Variants in MXD1 observed in about 807,000 individuals in gnomAD.
MXD1 encodes the protein MAX dimerization protein 1.
A neutral mutation model predicts 25.7 loss-of-function variants in MXD1; 9 were observed. The ratio of observed to expected loss-of-function variants is 0.35; its 90% CI spans 0.21 to 0.61. The LOEUF is 0.61. MXD1 is among the 20% of genes least tolerant of loss of function. MXD1 has a pLI of 0.75. For synonymous variants in MXD1, 99 were observed against 113.9 expected, an observed-to-expected ratio of 0.87 and a Z score of 0.83; for missense variants, 227 against 292.4, an observed-to-expected ratio of 0.78 and a Z score of 1.63.
chr2:69,939,017 T>C lies in MXD1; in HGVS notation c.*733T>C, dbSNP rs372570092. The C allele has an allele frequency of 1.8e-4, 28 of 152,660 alleles. No homozygotes were observed. Among genetic ancestry groups the C allele is most frequent in the African/African-American group, 6.8e-4 (28 of 41,454 alleles). 9.5% of individuals were successfully genotyped at this position (152,660 alleles called of 1,614,324 possible). On this transcript the variant is annotated 3_prime_UTR_variant, in exon 6 of 6. Coordinates refer to ENST00000264444, the MANE Select transcript of MXD1 (RefSeq NM_002357.4). Reference sequence around the variant, plus strand: ...ATGTTCTTGGGACCTCGCTGTGTTCTGCTATCTCGAGGCACATTCTCCCCT... The same window carrying C: ...ATGTTCTTGGGACCTCGCTGTGTTCCGCTATCTCGAGGCACATTCTCCCCT...
At chr2:69,932,903 T>G (rs1677325775) in intron 3 of MXD1, among the ~76,000 whole-genome samples, 1 of 152,178 alleles carries the variant, frequency 6.6e-6, no homozygotes, top group African/African-American at 2.4e-5. Flanking sequence ...TTTTAATTTT[T>G]GAACTTTTTC....
Position 69,915,303 on chromosome 2 carries a change from G to A in MXD1, c.-28G>A. On this transcript the variant is annotated 5_prime_UTR_variant, in exon 1 of 6. Transcript: ENST00000264444. This position sits in a 1 kb window ranked among gnomAD's most constrained non-coding sequence, Gnocchi z 5.8. ...GCGAGCCCGTGGGCAGTGGGGGTTG[G>A]TCCCGTGGCTCCGGCCCCCGGTGCA... is the stretch of plus-strand genomic sequence containing the variant. The A allele has an allele frequency of 7.6e-7, 1 of 1,307,894 alleles. No individual in the cohort carries two copies. The highest frequency in any genetic ancestry group is 1.5e-5 in the African/African-American group (1 of 64,922). 81.0% of individuals were successfully genotyped at this position (1,307,894 alleles called of 1,614,324 possible). A position where few individuals can be genotyped will look rare whatever the true frequency, so the allele number is the denominator to read the frequency against.
chr2:69,936,948 T>G (rs1677460740), intron 4 of MXD1: 1 of 547,878 alleles, frequency 1.8e-6, no homozygotes, highest in South Asian at 1.5e-5. Flanking sequence ...CCTGCAGTCT[T>G]TCTGATACTA....
At chr2:69,935,862 A>T (rs777544458) in intron 4 of MXD1, among the ~76,000 whole-genome samples, 1 of 152,092 alleles carries the variant, frequency 6.6e-6, no homozygotes, top group Non-Finnish European at 1.5e-5. Flanking sequence ...TCTGCTTTCC[A>T]TGCTTCCTGA....
At chr2:69,934,035 G>A (rs1489431136) in intron 3 of MXD1, among the ~76,000 whole-genome samples, 1 of 152,182 alleles carries the variant, frequency 6.6e-6, no homozygotes, top group African/African-American at 2.4e-5. Context: ...AAGTCTAGTT[G>A]AATAGATGAC....
At chr2:69,921,635 A>T (rs960554987) in intron 2 of MXD1, 101 bp from the exon 3 acceptor site, 1 of 1,110,730 alleles carries the variant, frequency 9.0e-7, no homozygotes, top group Admixed American at 2.7e-5. Context: ...CATCTCTCCT[A>T]TCAACTTTGG....
At chr2:69,922,244 G>A (rs1677080685) in intron 3 of MXD1, among the ~76,000 whole-genome samples, 1 of 152,190 alleles carries the variant, frequency 6.6e-6, no homozygotes, top group South Asian at 2.1e-4. Flanking sequence ...GCAAATGTAT[G>A]CATGGCAGAA....
chr2:69,920,051 G>A (rs779019704), intron 2 of MXD1, among the ~76,000 whole-genome samples: 15 of 151,906 alleles, frequency 9.9e-5, no homozygotes, highest in Non-Finnish European at 1.9e-4. Flanking sequence ...TCCCTCTGTC[G>A]CTAGGCTGGA....
rs369382447 is a variant in MXD1 at position 69,937,390 on chromosome 2, C to T, written c.474C>T (p.Asp158=). The T allele has an allele frequency of 1.9e-6, 3 of 1,603,618 alleles. No homozygotes were observed. The highest frequency in any genetic ancestry group is 4.5e-5 in the East Asian group (2 of 44,718). ...STVSSERSDS[D]REEIDVDVES... is the part of the protein sequence containing the mutation. Reference sequence around the variant, plus strand: ...TCTCCTCGGAGCGCTCCGACTCCGACAGGGGTGAGCCTCTCTCACTCTCCT... The same window carrying T: ...TCTCCTCGGAGCGCTCCGACTCCGATAGGGGTGAGCCTCTCTCACTCTCCT... The change falls in exon 5 of 6, where the codon GAC becomes GAT. Residue 158 remains aspartate, a synonymous_variant. Transcript: ENST00000264444.
rs1221491957 is a variant in MXD1 at position 69,939,836 on chromosome 2, C to A, written c.*1552C>A. The A allele has an allele frequency of 6.6e-6, 1 of 152,452 alleles. No individual in the cohort carries two copies. The highest frequency in any genetic ancestry group is 1.9e-4 in the East Asian group (1 of 5,208). 9.4% of individuals were successfully genotyped at this position (152,452 alleles called of 1,614,324 possible). A position where few individuals can be genotyped will look rare whatever the true frequency, so the allele number is the denominator to read the frequency against. On this transcript the variant is annotated 3_prime_UTR_variant, in exon 6 of 6. Transcript: ENST00000264444. ...CTCGGCAGCGGGCAGCCACCCCACG[C>A]TCCCCTGCGGTCACTCGCACACCAC...
rs561676774 is a variant in MXD1, at chr2:69,942,558, T to G, written c.*4274T>G. 2.0e-4 allele frequency: 30 copies of G among 152,320 alleles called. No individual in the cohort carries two copies. Among genetic ancestry groups the G allele is most frequent in the Admixed American group, 3.9e-4 (6 of 15,306 alleles). The allele number at this position is 152,320 out of a possible 1,614,324, so 9.4% of individuals were successfully genotyped here. ...CAGATTTTTACATTTTGATTTCTTC[T>G]CTCTGTGGGGTGGCAAGTTGAGGGA... On this transcript the variant is annotated 3_prime_UTR_variant, in exon 6 of 6. Transcript: ENST00000264444.
At position 69,939,514 on chromosome 2, in the gene MXD1, A is replaced by G. The variant is rs1417727217; in HGVS notation, c.*1230A>G. 6.5e-6 allele frequency: 1 copy of G among 152,672 alleles called. No homozygotes were observed. Among genetic ancestry groups the G allele is most frequent in the Non-Finnish European group, 1.5e-5 (1 of 68,038 alleles). 9.5% of individuals were successfully genotyped at this position (152,672 alleles called of 1,614,324 possible). On this transcript the variant is annotated 3_prime_UTR_variant, in exon 6 of 6. Transcript: ENST00000264444. ...TACATAAGACACATTAAATCTATAA[A>G]TACTATTTATTCATTTTATATAAAC...
rs957834644 is a variant in MXD1, at chr2:69,938,774, A to G, written c.*490A>G. On this transcript the variant is annotated 3_prime_UTR_variant, in exon 6 of 6. Transcript: ENST00000264444. ...AAGCAGCATTTAAGAGCACTTAACC[A>G]TGGACCTCACCACCAGTGAGGAAGT... 15 of 154,800 alleles carry G rather than the reference A, an allele frequency of 9.7e-5. No individual in the cohort carries two copies. Among genetic ancestry groups the G allele is most frequent in the African/African-American group, 3.6e-4 (15 of 41,438 alleles). The allele number at this position is 154,800 out of a possible 1,614,324, so 9.6% of individuals were successfully genotyped here. A position where few individuals can be genotyped will look rare whatever the true frequency, so the allele number is the denominator to read the frequency against.
At position 69,917,676 on chromosome 2, in the gene MXD1, G is replaced by A. The variant is rs76885659; in HGVS notation, c.173+1456G>A. Among the ~76,000 whole-genome samples the A allele has an allele frequency of 3.8e-3, 578 of 152,206 alleles. 2 individuals are homozygous for A. Among genetic ancestry groups the A allele is most frequent in the African/African-American group, 0.013 (555 of 41,500 alleles). On this transcript the variant is annotated intron_variant, in intron 2 of 5. Transcript: ENST00000264444. ...TCCTTAGTTTCACAGGAAGGTTGTA[G>A]GGGATGTTCACTAGTGGGGATAAGA... is the stretch of plus-strand genomic sequence containing the variant.
chr2:69,917,323 A>G (rs1278359639), intron 2 of MXD1, among the ~76,000 whole-genome samples: 2 of 152,188 alleles, frequency 1.3e-5, no homozygotes, highest in African/African-American at 2.4e-5. Flanking sequence ...TGAAGGATCA[A>G]CCTGGTAATT....
intron 5 of MXD1, 136 bp downstream of exon 5, chr2:69,937,530 G>A (rs1677482224): frequency 3.8e-6 from 3 of 790,298 alleles, no homozygotes; most frequent in Non-Finnish European, 5.8e-6. Context: ...CGAACAGTGT[G>A]ACCTCCAGTG....
At chr2:69,922,691 C>G (rs1224111717) in intron 3 of MXD1, among the ~76,000 whole-genome samples, 1 of 151,994 alleles carries the variant, frequency 6.6e-6, no homozygotes, top group South Asian at 2.1e-4. Context: ...ACCAGCCTGG[C>G]CAACATGGCA....
At chr2:69,919,739 T>C (rs534118661) in intron 2 of MXD1, among the ~76,000 whole-genome samples, 3 of 152,362 alleles carry the variant, frequency 2.0e-5, no homozygotes, top group Non-Finnish European at 4.4e-5. Flanking sequence ...ATATGCCAGA[T>C]TCTTGTTAAC....
chr2:69,920,383 C>T (rs570644307), intron 2 of MXD1, among the ~76,000 whole-genome samples: 2 of 152,294 alleles, frequency 1.3e-5, no homozygotes, highest in Non-Finnish European at 2.9e-5. Flanking sequence ...AAAATACTGT[C>T]ATTTTCTCAT....
Sources: gnomAD v4.1 joint callset for allele counts (sites outside exome capture counted in the v4.1 genomes callset) on GRCh38, gnomAD v4.1.1 for gene constraint, Gnocchi (gnomAD v3.1) non-coding constraint, MANE v1.5 for transcripts, NCBI Gene and HGNC (gene_info 2026-07-23, HGNC 2026-07-21) for gene names.